CFAP161: variants seen among roughly 807,000 people sequenced by gnomAD.
CFAP161 encodes the protein cilia and flagella associated protein 161, also known as cilia- and flagella-associated protein 161.
In CFAP161, 25 loss-of-function variants were observed where a neutral mutation model predicts 29.0. The ratio of observed to expected loss-of-function variants is 0.86; its 90% CI spans 0.63 to 1.20. The LOEUF (loss-of-function observed/expected upper bound fraction) is 1.20. Ranked by LOEUF, CFAP161 falls within the 50% of genes most tolerant of loss-of-function variation. The pLI is 0.00. For synonymous variants in CFAP161, 116 were observed against 137.4 expected, an observed-to-expected ratio of 0.84 and a Z score of 1.09; for missense variants, 367 against 371.9, an observed-to-expected ratio of 0.99 and a Z score of 0.11.
intron 1 of CFAP161, among the ~76,000 whole-genome samples, chr15:81,113,084 T>G (rs1567151627): frequency 6.6e-6 from 1 of 152,206 alleles, no homozygotes; most frequent in African/African-American, 2.4e-5. Context: ...ATTTAAAAAA[T>G]CCCTTGCATA....
upstream of CFAP161, among the ~76,000 whole-genome samples, chr15:81,133,202 TATATATATATATATATATATATGTA>T (rs1400832431): frequency 0.051 from 3,412 of 67,240 alleles, 252 homozygotes; most frequent in Admixed American, 0.14. Context: ...TATATATATA[TATATATATATATATATATATATGTA>T]TTTTTTTTTA....
At position 81,148,389 on chromosome 15, in the gene CFAP161, A is replaced by G; in HGVS notation, c.762A>G (p.Ser254=). The G allele has an allele frequency of 6.2e-7, 1 of 1,614,190 alleles. No individual in the cohort carries two copies. Residue 254 remains serine (S), a synonymous_variant, in exon 7 of 7, where the codon TCA becomes TCG. Transcript: ENST00000286732. The part of the protein sequence containing the change: ...AEVVAHTYLD[S]HRVEKPRNHW... ...TTGTAGCTCACACATACCTGGATTCACATAGAGTTGAGAAACCAAGGAACC... is the reference window on the plus strand; with the variant it reads ...TTGTAGCTCACACATACCTGGATTCGCATAGAGTTGAGAAACCAAGGAACC...
chr15:81,136,602 T>G lies in CFAP161; in HGVS notation c.246T>G (p.Ala82=). 6.2e-7 allele frequency: 1 copy of G among 1,614,210 alleles called. No homozygotes were observed. The highest frequency in any genetic ancestry group is 8.5e-7 in the Non-Finnish European group (1 of 1,180,034). Residue 82 remains alanine (A), a synonymous_variant, in exon 3 of 7, where the codon GCT becomes GCG. Transcript: ENST00000286732. ...LVNPDDPDTE[A]DVFLRGDLSL... ...ATCCTGATGATCCTGACACAGAAGCTGATGTGTTTCTGCGTGGGGACCTGA... is the reference window on the plus strand; with the variant it reads ...ATCCTGATGATCCTGACACAGAAGCGGATGTGTTTCTGCGTGGGGACCTGA...
At chr15:81,138,203 A>C in intron 4 of CFAP161, 68 bp downstream of exon 4, 1 of 1,281,430 alleles carries the variant, frequency 7.8e-7, no homozygotes, top group Non-Finnish European at 1.1e-6. Flanking sequence ...GATCATAACT[A>C]TCTACTGAAG....
In CFAP161 at chr15:81,134,314, T is replaced by A. The variant is rs780805698; in HGVS notation, c.-16T>A. On this transcript the variant is annotated 5_prime_UTR_variant, in exon 1 of 7. Coordinates refer to ENST00000286732, the MANE Select transcript of CFAP161 (RefSeq NM_173528.4). Reference sequence around the variant, plus strand: ...TGGTGTCGGAGGGAGGCCCACTTGCTGAACAGCAGGGAGCGATGGCGCAGA... The same window carrying A: ...TGGTGTCGGAGGGAGGCCCACTTGCAGAACAGCAGGGAGCGATGGCGCAGA... 15 of 1,579,120 alleles carry A rather than the reference T, an allele frequency of 9.5e-6. No homozygotes were observed. The highest frequency in any genetic ancestry group is 8.6e-7 in the Non-Finnish European group (1 of 1,162,976).
chr15:81,104,492 G>T (rs143577605), intron 1 of CFAP161, among the ~76,000 whole-genome samples: 7 of 152,210 alleles, frequency 4.6e-5, no homozygotes, highest in Non-Finnish European at 1.0e-4. Context: ...TGCAAGGAAG[G>T]TATCCTCTCC....
chr15:81,105,090 T>TTCCCTCCCTCCCTCCCTCCC (rs1157434749), intron 1 of CFAP161, among the ~76,000 whole-genome samples: 1 of 46,450 alleles, frequency 2.2e-5, no homozygotes, highest in Non-Finnish European at 6.7e-5. Context: ...TTCTTTTCTT[T>TTCCCTCCCTCCCTCCCTCCC]TCCCTCCCTC....
chr15:81,134,163 G>T, upstream of CFAP161: 1 of 701,758 alleles, frequency 1.4e-6, no homozygotes. Context: ...GACAGCCGCT[G>T]ACCCAGACGC....
chr15:81,144,066 T>C (rs1894964372), intron 5 of CFAP161, among the ~76,000 whole-genome samples: 1 of 152,214 alleles, frequency 6.6e-6, no homozygotes, highest in South Asian at 2.1e-4. Flanking sequence ...TATGACTTTC[T>C]GTCTCTTTTC....
upstream of CFAP161, among the ~76,000 whole-genome samples, chr15:81,134,033 TAGAA>T (rs1299659659): frequency 1.2e-4 from 19 of 152,220 alleles, no homozygotes; most frequent in African/African-American, 4.8e-5. Context: ...TAGATTCTAA[TAGAA>T]AGAAAGCTTT....
chr15:81,134,730 T>C (rs190306325), intron 1 of CFAP161, among the ~76,000 whole-genome samples: 22 of 152,310 alleles, frequency 1.4e-4, no homozygotes, highest in African/African-American at 5.1e-4. Context: ...CCTTAGAGTC[T>C]TACAGTCTCA....
At chr15:81,126,186 AAGAAAGTG>A (rs1181255157) in intron 1 of CFAP161, among the ~76,000 whole-genome samples, 1 of 152,188 alleles carries the variant, frequency 6.6e-6, no homozygotes, top group Non-Finnish European at 1.5e-5. Flanking sequence ...TGGTGTATAA[AAGAAAGTG>A]AGATCCAAAT....
intron 3 of CFAP161, 117 bp downstream of exon 3, chr15:81,136,865 G>A (rs1019950726): frequency 2.3e-5 from 19 of 823,136 alleles, no homozygotes; most frequent in African/African-American, 1.0e-4. Context: ...AACATTTTTC[G>A]TGATTTTCAT....
At chr15:81,133,176 CATATATATATATATATATATATATAT>C (rs141326043), upstream of CFAP161, among the ~76,000 whole-genome samples, 695 of 60,998 alleles carry the variant, frequency 0.011, 35 homozygotes, top group South Asian at 0.035. Flanking sequence ...CCTTCATCAG[CATATATATATATATATATATATATAT>C]ATATATATAT....
intron 1 of CFAP161, 133 bp from the exon 2 acceptor site, chr15:81,135,137 A>T (rs1894786905): frequency 1.9e-6 from 1 of 525,252 alleles, no homozygotes; most frequent in African/African-American, 1.9e-5. Flanking sequence ...ACGTTCCATC[A>T]TTCCAATTAT....
chr15:81,119,722 G>A lies in CFAP161; in HGVS notation c.-141-7868G>A, dbSNP rs562486340. Among the ~76,000 whole-genome samples, 6 of 151,972 alleles carry A rather than the reference G, an allele frequency of 3.9e-5. No homozygotes were observed. The South Asian group carries it at 1.0e-3, about 26-fold the overall frequency. On this transcript the variant is annotated intron_variant, in intron 1 of 4. Coordinates refer to the CFAP161 transcript ENST00000560091. ...AGAGATAATTTAGAATATTGATTCT[G>A]GGGAAACCTGCCAAAGACATTAAAA...
Position 81,115,106 on chromosome 15 carries a change from G to A in CFAP161, c.-141-12484G>A, listed in dbSNP as rs532851193. ...AGGATTTTTTGTATAAGTTTGTGAC[G>A]ACTTTTGTGCAAGGTTGTGGTTTGT... On this transcript the variant is annotated intron_variant, in intron 1 of 4. Transcript: ENST00000560091. 2.6e-5 allele frequency among the ~76,000 whole-genome samples: 4 copies of A among 152,270 alleles called. No homozygotes were observed. In the South Asian group the frequency reaches 8.3e-4, roughly 32 times the overall value.
chr15:81,122,987 G>T (rs1894595226), intron 1 of CFAP161, among the ~76,000 whole-genome samples: 1 of 152,028 alleles, frequency 6.6e-6, no homozygotes, highest in African/African-American at 2.4e-5. Flanking sequence ...CATTCCATAG[G>T]TTGTCTGTTT....
Position 81,112,317 on chromosome 15 carries a change from T to G in CFAP161, c.-141-15273T>G, listed in dbSNP as rs1211200913. ...TATTTATCTTTCCTAATATCTGAAT[T>G]TTGTCCCACTTCTCTTTTCTAAAAA... On this transcript the variant is annotated intron_variant, in intron 1 of 4. Transcript: ENST00000560091. Among the ~76,000 whole-genome samples the G allele has an allele frequency of 2.0e-4, 30 of 152,170 alleles. 1 individual carries two copies. The highest frequency in any genetic ancestry group is 2.0e-3 in the Admixed American group (30 of 15,278).
Sources: gnomAD v4.1 joint callset for allele counts (sites outside exome capture counted in the v4.1 genomes callset) on GRCh38, gnomAD v4.1.1 for gene constraint, MANE v1.5 for transcripts, NCBI Gene and HGNC (gene_info 2026-07-23, HGNC 2026-07-21) for gene names.